LIPC: variants seen among roughly 807,000 people sequenced by gnomAD.
LIPC encodes hepatic triacylglycerol lipase.
A neutral mutation model predicts 50.7 loss-of-function variants in LIPC; 44 were observed. That is an observed-to-expected ratio of 0.87 (90% CI 0.68 to 1.11). The LOEUF (loss-of-function observed/expected upper bound fraction) is 1.11. Ranked by LOEUF, LIPC falls within the 50% of genes most tolerant of loss-of-function variation. LIPC has a pLI of 0.00. For synonymous variants in LIPC, 271 were observed against 256.4 expected (o/e 1.06, Z -0.54); for missense variants, 697 against 648.2 (o/e 1.08, Z -0.82).
chr15:58,544,452 G>A (rs1052747426), intron 4 of LIPC, among the ~76,000 whole-genome samples: 1 of 137,654 alleles, frequency 7.3e-6, no homozygotes, highest in African/African-American at 2.7e-5. Context: ...CTACAGGGCA[G>A]TGGCATGATC....
At chr15:58,457,513 C>T (rs1302534819) in intron 1 of LIPC, among the ~76,000 whole-genome samples, 1 of 152,242 alleles carries the variant, frequency 6.6e-6, no homozygotes, top group Non-Finnish European at 1.5e-5. Flanking sequence ...CAGGGCAGAG[C>T]TGCAGCAGCA....
intron 1 of LIPC, among the ~76,000 whole-genome samples, chr15:58,446,787 G>A (rs892009823): frequency 3.1e-4 from 47 of 152,270 alleles, no homozygotes; most frequent in Admixed American, 2.4e-3. Flanking sequence ...GAGCAGGCAC[G>A]TGGCAAATGA....
chr15:58,454,698 T>C (rs1894044396), intron 1 of LIPC: 1 of 152,234 alleles, frequency 6.6e-6, no homozygotes, highest in Non-Finnish European at 1.5e-5. Flanking sequence ...AGTTTAAGAC[T>C]TCTGATGCTC....
intron 1 of LIPC, among the ~76,000 whole-genome samples, chr15:58,475,625 T>C (rs1201456784): frequency 6.6e-6 from 1 of 152,206 alleles, no homozygotes; most frequent in Non-Finnish European, 1.5e-5. Context: ...GAGCACTGCA[T>C]TGCAACCATT....
chr15:58,441,235 TC>T (rs1341010120), intron 1 of LIPC, among the ~76,000 whole-genome samples: 1 of 152,236 alleles, frequency 6.6e-6, no homozygotes, highest in Non-Finnish European at 1.5e-5. Context: ...TTTGAAGTTT[TC>T]TTATGAATTG....
At chr15:58,541,742 G>C in intron 2 of LIPC, 43 bp from the exon 3 acceptor site, 1 of 1,591,684 alleles carries the variant, frequency 6.3e-7, no homozygotes, top group Non-Finnish European at 8.6e-7. Flanking sequence ...GGTGAGCGGG[G>C]AGAAAGGAAA....
chr15:58,540,874 C>T (rs1317551719), intron 2 of LIPC, among the ~76,000 whole-genome samples: 2 of 152,120 alleles, frequency 1.3e-5, no homozygotes, highest in African/African-American at 2.4e-5. Flanking sequence ...GATCTCAGCT[C>T]ACTGCAGACT....
intron 1 of LIPC, among the ~76,000 whole-genome samples, chr15:58,500,183 T>C (rs1422996350): frequency 6.6e-6 from 1 of 152,140 alleles, no homozygotes; most frequent in Non-Finnish European, 1.5e-5. Context: ...TTTGGGTATG[T>C]CTTCCCTCAT....
chr15:58,451,383 C>G (rs1418098697), intron 1 of LIPC, among the ~76,000 whole-genome samples: 1 of 152,156 alleles, frequency 6.6e-6, no homozygotes, highest in Non-Finnish European at 1.5e-5. Context: ...GCTTCAGGGA[C>G]AGCTGGATCT....
rs1172598612 is a variant in LIPC, at chr15:58,487,050, A to G, written c.89-51283A>G. On this transcript the variant is annotated intron_variant, in intron 1 of 8. Coordinates refer to ENST00000299022, the MANE Select transcript of LIPC (RefSeq NM_000236.3). ...TAGGATGATTATGGTTCTGGCATAC[A>G]AAGTCACTTATTTTTCATGCAACCT... 2.6e-5 allele frequency among the ~76,000 whole-genome samples: 4 copies of G among 152,324 alleles called. No individual in the cohort carries two copies. The East Asian group carries it at 7.7e-4, about 29-fold the overall frequency.
intron 1 of LIPC, among the ~76,000 whole-genome samples, chr15:58,469,102 TTG>T (rs56309142): frequency 0.029 from 4,111 of 140,648 alleles, 67 homozygotes; most frequent in African/African-American, 0.047. Context: ...AGGGAACATT[TTG>T]TGTGTGTGTG....
At chr15:58,506,099 CTG>C (rs745496574) in intron 1 of LIPC, among the ~76,000 whole-genome samples, 2 of 152,174 alleles carry the variant, frequency 1.3e-5, no homozygotes, top group African/African-American at 2.4e-5. Context: ...CCCACCTAGG[CTG>C]TGTTTGGGTG....
At chr15:58,459,541 T>G (rs1409241438) in intron 1 of LIPC, among the ~76,000 whole-genome samples, 1 of 152,052 alleles carries the variant, frequency 6.6e-6, no homozygotes, top group Non-Finnish European at 1.5e-5. Context: ...CACCCGCTCC[T>G]GAAAACAGAA....
rs77696230 is a variant in LIPC at position 58,506,951 on chromosome 15, G to A, written c.89-31382G>A. On this transcript the variant is annotated intron_variant, in intron 1 of 8. Transcript: ENST00000299022. ...GAGGAGGAAGCAAACACATCCTTCC[G>A]CAAATGGTGGCAACAAGGAGAAATG... Among the ~76,000 whole-genome samples the A allele has an allele frequency of 2.0e-3, 298 of 152,318 alleles. 2 individuals carry two copies. Among genetic ancestry groups the A allele is most frequent in the Middle Eastern group, 6.8e-3 (2 of 294 alleles).
chr15:58,452,910 T>A (rs1396280372), intron 1 of LIPC, among the ~76,000 whole-genome samples: 1 of 152,250 alleles, frequency 6.6e-6, no homozygotes, highest in African/African-American at 2.4e-5. Context: ...CATCTGCTGC[T>A]GGTGGCCTTG....
intron 6 of LIPC, among the ~76,000 whole-genome samples, chr15:58,552,399 G>C (rs1042842021): frequency 9.2e-5 from 14 of 152,198 alleles, no homozygotes; most frequent in Non-Finnish European, 1.9e-4. Context: ...TAGGACCAAG[G>C]CCCTCGACTG....
chr15:58,531,081 T>G (rs1261168654), intron 1 of LIPC, among the ~76,000 whole-genome samples: 1 of 152,234 alleles, frequency 6.6e-6, no homozygotes, highest in Non-Finnish European at 1.5e-5. Flanking sequence ...TCAAACGGTT[T>G]TCCAAAGAAA....
chr15:58,466,446 G>A (rs1337957703), intron 1 of LIPC, among the ~76,000 whole-genome samples: 2 of 152,170 alleles, frequency 1.3e-5, no homozygotes, highest in African/African-American at 2.4e-5. Context: ...TTAGCTCTCT[G>A]GGCCTGAGTT....
At chr15:58,499,938 G>A (rs556354659) in intron 1 of LIPC, among the ~76,000 whole-genome samples, 5 of 152,228 alleles carry the variant, frequency 3.3e-5, no homozygotes, top group Admixed American at 6.5e-5. Flanking sequence ...GGTCTGTTTC[G>A]GTAGAAGACA....
Sources: gnomAD v4.1 joint callset for allele counts (sites outside exome capture counted in the v4.1 genomes callset) on GRCh38, gnomAD v4.1.1 for gene constraint, MANE v1.5 for transcripts, NCBI Gene and HGNC (gene_info 2026-07-23, HGNC 2026-07-21) for gene names.